The following OTUD7A variants were observed in gnomAD, a reference collection of about 807,000 sequenced individuals.
OTUD7A encodes OTU deubiquitinase 7A.
A neutral mutation model predicts 65.7 loss-of-function variants in OTUD7A; 12 were observed. The ratio of observed to expected loss-of-function variants is 0.18; its 90% CI spans 0.12 to 0.30. The LOEUF (loss-of-function observed/expected upper bound fraction) is 0.30. Among genes scored for constraint, OTUD7A ranks in the 10% least tolerant of loss-of-function variants. The pLI is 1.00. For missense variants in OTUD7A, 1,148 were observed against 1,304.8 expected (o/e 0.88, Z 1.85); for synonymous variants, 641 against 586.3 (o/e 1.09, Z -1.35).
chr15:31,487,379 A>G lies in OTUD7A; in HGVS notation c.1286+73T>C, dbSNP rs1050796894. The G allele has an allele frequency of 1.9e-6, 3 of 1,578,206 alleles. No individual in the cohort carries two copies. The highest frequency in any genetic ancestry group is 2.6e-6 in the Non-Finnish European group (3 of 1,152,156). ...GTCCCAGGAGGAGCAGGGGTGGTAC[A>G]TTCCCTCCCCAGGATGCCCCAGCCA... On this transcript the variant is annotated intron_variant, in intron 11 of 12. Coordinates refer to ENST00000307050, the MANE Select transcript of OTUD7A (RefSeq NM_001382637.1). This position sits in a 1 kb window ranked among gnomAD's most constrained non-coding sequence, Gnocchi z 6.0.
chr15:31,750,883 A>T (rs1894616585), intron 1 of OTUD7A, among the ~76,000 whole-genome samples: 1 of 152,224 alleles, frequency 6.6e-6, no homozygotes, highest in Non-Finnish European at 1.5e-5. Context: ...TATGCAGAAG[A>T]ATGAAACTGG....
In OTUD7A at chr15:31,484,826, C is replaced by T; in HGVS notation, c.1372-102G>A. 1.3e-6 allele frequency: 2 copies of T among 1,485,556 alleles called. No individual in the cohort carries two copies. The highest frequency in any genetic ancestry group is 8.9e-7 in the Non-Finnish European group (1 of 1,120,950). The allele number at this position is 1,485,556 out of a possible 1,614,324, so 92.0% of individuals were successfully genotyped here. On this transcript the variant is annotated intron_variant, in intron 12 of 12. Coordinates refer to ENST00000307050, the MANE Select transcript of OTUD7A (RefSeq NM_001382637.1). This position sits in a 1 kb window ranked among gnomAD's most constrained non-coding sequence, Gnocchi z 4.5. ...GCCCCTGTGTTGCCGAGGCTAGGGC[C>T]CTGGACCTTCACTGTCCCAGTCCCC...
chr15:31,765,923 C>G (rs1895082668), intron 1 of OTUD7A: 1 of 1,292,296 alleles, frequency 7.7e-7, no homozygotes. Flanking sequence ...GAGGTAAAGT[C>G]CTGTTTTTAA....
At chr15:31,615,695 T>C (rs1366697790) in intron 3 of OTUD7A, among the ~76,000 whole-genome samples, 1 of 152,224 alleles carries the variant, frequency 6.6e-6, no homozygotes, top group African/African-American at 2.4e-5. Context: ...TGCTAGGCCA[T>C]AAAGCAAGTC....
intron 3 of OTUD7A, among the ~76,000 whole-genome samples, chr15:31,579,717 T>C (rs1889314238): frequency 6.6e-6 from 1 of 152,248 alleles, no homozygotes; most frequent in African/African-American, 2.4e-5. Flanking sequence ...TATATGTATA[T>C]ATGCACATGT....
At chr15:31,621,481 T>C (rs529282718) in intron 3 of OTUD7A, among the ~76,000 whole-genome samples, 38 of 152,338 alleles carry the variant, frequency 2.5e-4, no homozygotes, top group Non-Finnish European at 4.3e-4. Context: ...TTTAGGATAG[T>C]TAGCTTTTCT....
chr15:31,781,924 C>T (rs1037610618), intron 1 of OTUD7A, among the ~76,000 whole-genome samples: 2 of 152,208 alleles, frequency 1.3e-5, no homozygotes, highest in South Asian at 2.1e-4. Context: ...ATTTCAGGAT[C>T]TTGGTGATAC....
chr15:31,558,185 G>A (rs1290715481), intron 5 of OTUD7A: 4 of 152,254 alleles, frequency 2.6e-5, no homozygotes, highest in Non-Finnish European at 5.9e-5. Flanking sequence ...GAAACCCCCA[G>A]ATATGTGATT....
chr15:31,723,537 T>G (rs925807623), intron 1 of OTUD7A, among the ~76,000 whole-genome samples: 1 of 144,644 alleles, frequency 6.9e-6, no homozygotes, highest in African/African-American at 2.6e-5. Flanking sequence ...TTCAATGATA[T>G]AATTAAGATC....
rs2140923944 is a variant in OTUD7A at position 31,779,422 on chromosome 15, T to C, written c.-100+91085A>G. On this transcript the variant is annotated intron_variant, in intron 1 of 12. Transcript: ENST00000307050. ...AGGCTACAGGAGACACCTCTGTTTC[T>C]CACACTGCCAACCTGTTACATTAGA... Among the ~76,000 whole-genome samples, 2 of 152,336 alleles carry C rather than the reference T, an allele frequency of 1.3e-5. 1 individual carries two copies. Among genetic ancestry groups the C allele is most frequent in the South Asian group, 4.1e-4 (2 of 4,822 alleles).
intron 5 of OTUD7A, among the ~76,000 whole-genome samples, chr15:31,539,205 A>G (rs1029902701): frequency 1.8e-4 from 27 of 151,984 alleles, no homozygotes; most frequent in African/African-American, 6.0e-4. Flanking sequence ...TCCTCCCCAC[A>G]CCCCAATTCC....
chr15:31,817,636 C>T (rs1426552748), intron 1 of OTUD7A, among the ~76,000 whole-genome samples: 2 of 152,132 alleles, frequency 1.3e-5, no homozygotes, highest in African/African-American at 4.8e-5. Flanking sequence ...ACATGGGAAC[C>T]TAAGCTTCCT....
At chr15:31,590,768 T>G (rs898126745) in intron 3 of OTUD7A, among the ~76,000 whole-genome samples, 1 of 152,178 alleles carries the variant, frequency 6.6e-6, no homozygotes, top group African/African-American at 2.4e-5. Flanking sequence ...AAAAGCGTTT[T>G]CATGGCAGCT....
rs946745447 is a variant in OTUD7A, at chr15:31,868,397, C to A, written c.-100+2110G>T. ...ACAGGTGAAAACAAAAAGATGGATA[C>A]GGGGCCAGATTGATTTCACAGACTC... On this transcript the variant is annotated intron_variant, in intron 1 of 12. Transcript: ENST00000307050. Among the ~76,000 whole-genome samples, 4 of 152,220 alleles carry A rather than the reference C, an allele frequency of 2.6e-5. No homozygotes were observed. In the South Asian group the frequency reaches 8.3e-4, roughly 32 times the overall value.
At chr15:31,649,532 C>T (rs1020719651) in intron 3 of OTUD7A, 1 of 161,174 alleles carries the variant, frequency 6.2e-6, no homozygotes, top group African/African-American at 2.4e-5. Flanking sequence ...TCCTACATTA[C>T]TGACATCCTC....
chr15:31,486,518 C>G (rs2041238839), intron 12 of OTUD7A, among the ~76,000 whole-genome samples: 2 of 152,342 alleles, frequency 1.3e-5, no homozygotes, highest in East Asian at 1.9e-4. Flanking sequence ...AATCCTTTTC[C>G]CTGGCAGTTC....
intron 4 of OTUD7A, among the ~76,000 whole-genome samples, chr15:31,564,863 T>C (rs946585885): frequency 3.3e-5 from 5 of 152,128 alleles, no homozygotes; most frequent in African/African-American, 7.2e-5. Flanking sequence ...CTGGCAAATA[T>C]GAACCAACAG....
rs1044554460 is a variant in OTUD7A at position 31,487,031 on chromosome 15, A to G, written c.1371+163T>C. On this transcript the variant is annotated intron_variant, in intron 12 of 12. Coordinates refer to ENST00000307050, the MANE Select transcript of OTUD7A (RefSeq NM_001382637.1). This position sits in a 1 kb window ranked among gnomAD's most constrained non-coding sequence, Gnocchi z 6.0. ...GCATGCAGCTGGGATGGCTAGGTCA[A>G]AGGAGGTGGAGGAGCTACTGGGCTG... Among the ~76,000 whole-genome samples the G allele has an allele frequency of 3.9e-5, 6 of 151,994 alleles. No individual in the cohort carries two copies. The highest frequency in any genetic ancestry group is 5.9e-5 in the Non-Finnish European group (4 of 67,978).
intron 1 of OTUD7A, among the ~76,000 whole-genome samples, chr15:31,843,771 T>C (rs1897240117): frequency 6.6e-6 from 1 of 152,160 alleles, no homozygotes; most frequent in Non-Finnish European, 1.5e-5. Context: ...CATAATGATA[T>C]GATGTCCAGG....
Sources: gnomAD v4.1 joint callset for allele counts (sites outside exome capture counted in the v4.1 genomes callset) on GRCh38, gnomAD v4.1.1 for gene constraint, Gnocchi (gnomAD v3.1) non-coding constraint, MANE v1.5 for transcripts, NCBI Gene and HGNC (gene_info 2026-07-23, HGNC 2026-07-21) for gene names.